The following NAA30 variants were observed in gnomAD, a reference collection of about 807,000 sequenced individuals.
The protein encoded by NAA30 is N-alpha-acetyltransferase 30.
In NAA30, 5 loss-of-function variants were observed where a neutral mutation model predicts 31.4. That is an observed-to-expected ratio of 0.16 (90% CI 0.08 to 0.33). The LOEUF (loss-of-function observed/expected upper bound fraction) is 0.33, where lower values mean the gene tolerates loss of function less well. Among genes scored for constraint, NAA30 ranks in the 10% least tolerant of loss-of-function variants. The probability of loss-of-function intolerance (pLI) is 1.00; values close to 1 mark genes in which losing one functional copy is unlikely to be tolerated. For missense variants in NAA30, 428 were observed against 490.8 expected (o/e 0.87, Z 1.21); for synonymous variants, 222 against 207.1 (o/e 1.07, Z -0.62).
Position 57,414,012 on chromosome 14 carries a change from CA to C in NAA30, c.*4499del, listed in dbSNP as rs1455078965. The C allele has an allele frequency of 6.6e-6, 1 of 152,132 alleles. No individual in the cohort carries two copies. The highest frequency in any genetic ancestry group is 1.5e-5 in the Non-Finnish European group (1 of 68,044). 9.4% of individuals were successfully genotyped at this position (152,132 alleles called of 1,614,324 possible). On this transcript the variant is annotated 3_prime_UTR_variant, in exon 5 of 5. Coordinates refer to ENST00000556492, the MANE Select transcript of NAA30 (RefSeq NM_001011713.3). ...ATTGAGCTGAATTTGTAATTTTAAT[CA>C]AAGTTAGCCACATGTGGCTTGTGGC...
At chr14:57,401,441 C>T (rs2066476743) in intron 4 of NAA30, among the ~76,000 whole-genome samples, 1 of 152,168 alleles carries the variant, frequency 6.6e-6, no homozygotes, top group South Asian at 2.1e-4. Flanking sequence ...AAGGTGCAGT[C>T]GCCAAAGCTT....
At chr14:57,393,338 C>T (rs561744130) in intron 2 of NAA30, among the ~76,000 whole-genome samples, 153 of 152,222 alleles carry the variant, frequency 1.0e-3, no homozygotes, top group African/African-American at 3.4e-3. Context: ...GTATGTTAGC[C>T]TTTAGTAGCT....
At chr14:57,398,646 T>A (rs916096334) in intron 3 of NAA30, among the ~76,000 whole-genome samples, 38 of 151,076 alleles carry the variant, frequency 2.5e-4, no homozygotes, top group African/African-American at 8.7e-4. Context: ...TATTATTATT[T>A]TTTTTTGAGA....
Position 57,399,842 on chromosome 14 carries a change from A to G in NAA30, c.910A>G (p.Lys304Glu). 1 of 1,542,564 alleles carries G rather than the reference A, an allele frequency of 6.5e-7. No individual in the cohort carries two copies. The highest frequency in any genetic ancestry group is 8.9e-7 in the Non-Finnish European group (1 of 1,118,536). The change falls in exon 4 of 5, where the codon AAG becomes GAG. Residue 304 changes from lysine to glutamate, a missense_variant. Lys to Glu is a moderately conservative substitution (Grantham distance 56). Coordinates refer to ENST00000556492, the MANE Select transcript of NAA30 (RefSeq NM_001011713.3). ...CTATATTCTAGGTACTAACTTGGTT[A>G]AGAAAGCTATATATGCCATGGTTGA... The part of the protein sequence containing the change: ...RRNGIGTNLV[K>E]KAIYAMVEGD...
At chr14:57,406,083 A>G (rs1287262258) in intron 4 of NAA30, among the ~76,000 whole-genome samples, 1 of 152,062 alleles carries the variant, frequency 6.6e-6, no homozygotes, top group Non-Finnish European at 1.5e-5. Flanking sequence ...TTATCCTGGC[A>G]TTTTTCTGTT....
intron 2 of NAA30, among the ~76,000 whole-genome samples, chr14:57,396,123 T>A (rs1208988652): frequency 6.6e-6 from 1 of 152,122 alleles, no homozygotes; most frequent in African/African-American, 2.4e-5. Context: ...TACAGGTGCA[T>A]GCCACCACAC....
intron 1 of NAA30, 102 bp downstream of exon 1, chr14:57,390,807 G>T (rs1453307664): frequency 1.4e-6 from 1 of 716,614 alleles, no homozygotes; most frequent in South Asian, 3.1e-5. Flanking sequence ...GAAGAGCGGG[G>T]GGGTGGCGGG....
At position 57,396,891 on chromosome 14, in the gene NAA30, T is replaced by C. The variant is rs2066452979; in HGVS notation, c.895+16T>C. 1 of 1,611,910 alleles carries C rather than the reference T, an allele frequency of 6.2e-7. No homozygotes were observed. Among genetic ancestry groups the C allele is most frequent in the Admixed American group, 1.7e-5 (1 of 59,970 alleles). ...AATGGCATTGGTAAGAAAAATATTA[T>C]TTTATGGAAAGAATGCCTAAGCTAT... On this transcript the variant is annotated intron_variant, in intron 3 of 4. Coordinates refer to ENST00000556492, the MANE Select transcript of NAA30 (RefSeq NM_001011713.3).
At chr14:57,405,786 G>A (rs2066496034) in intron 4 of NAA30, among the ~76,000 whole-genome samples, 1 of 152,190 alleles carries the variant, frequency 6.6e-6, no homozygotes, top group African/African-American at 2.4e-5. Context: ...TAAAGTTCTA[G>A]CAGTGAACAA....
Position 57,413,827 on chromosome 14 carries a change from G to GT in NAA30, c.*4317dup, listed in dbSNP as rs2066534855. 6.6e-6 allele frequency: 1 copy of GT among 152,168 alleles called. No homozygotes were observed. Among genetic ancestry groups the GT allele is most frequent in the African/African-American group, 2.4e-5 (1 of 41,440 alleles). The allele number at this position is 152,168 out of a possible 1,614,324, so 9.4% of individuals were successfully genotyped here. A position where few individuals can be genotyped will look rare whatever the true frequency, so the allele number is the denominator to read the frequency against. On this transcript the variant is annotated 3_prime_UTR_variant, in exon 5 of 5. Coordinates refer to ENST00000556492, the MANE Select transcript of NAA30 (RefSeq NM_001011713.3). Reference sequence around the variant, plus strand: ...TCTTTTTATAAGCAACTTTTAAAAAGTTTTTTAAAAGATCTCATAAGCATA... The same window carrying GT: ...TCTTTTTATAAGCAACTTTTAAAAAGTTTTTTTAAAAGATCTCATAAGCATA...
At chr14:57,396,929 T>A (rs2066453135) in intron 3 of NAA30, 54 bp downstream of exon 3, 1 of 1,566,042 alleles carries the variant, frequency 6.4e-7, no homozygotes, top group Admixed American at 1.7e-5. Flanking sequence ...TCATTTTTGT[T>A]GTGTTTTGAA....
Position 57,412,760 on chromosome 14 carries a change from C to G in NAA30, c.*3244C>G, listed in dbSNP as rs2066529261. On this transcript the variant is annotated 3_prime_UTR_variant, in exon 5 of 5. Transcript: ENST00000556492. ...ATGGTTAAGTTGTGTTTGCATTTTT[C>G]TTTTAGATACAGCTGTGTGCATTTT... 6.6e-6 allele frequency: 1 copy of G among 152,108 alleles called. No homozygotes were observed. Among genetic ancestry groups the G allele is most frequent in the Admixed American group, 6.5e-5 (1 of 15,268 alleles). 9.4% of individuals were successfully genotyped at this position (152,108 alleles called of 1,614,324 possible). A position where few individuals can be genotyped will look rare whatever the true frequency, so the allele number is the denominator to read the frequency against.
intron 4 of NAA30, among the ~76,000 whole-genome samples, chr14:57,407,299 A>G (rs534592681): frequency 5.1e-4 from 78 of 152,190 alleles, no homozygotes; most frequent in African/African-American, 1.7e-3. Context: ...CTTGATCCTG[A>G]ACTGTTAATT....
rs759407171 is a variant in NAA30, at chr14:57,391,402, GCGGTCCCCAGCC to G, written c.450_461del (p.Pro151_Val154del). The G allele has an allele frequency of 5.0e-6, 8 of 1,607,698 alleles. No individual in the cohort carries two copies. In the Admixed American group the frequency reaches 1.2e-4, roughly 24 times the overall value. Reference sequence around the variant, plus strand: ...CTCCCTCTCTAGTAATGCAAGAACTGCGGTCCCCAGCCCGGTGGAGGCAGCGGCGGCGAGCGA... The same window carrying G: ...CTCCCTCTCTAGTAATGCAAGAACTGCGGTGGAGGCAGCGGCGGCGAGCGA... On this transcript the variant is annotated inframe_deletion, in exon 2 of 5. Coordinates refer to ENST00000556492, the MANE Select transcript of NAA30 (RefSeq NM_001011713.3). The surrounding 1 kb of genome is among the most constrained non-coding windows in gnomAD (Gnocchi z 4.1).
rs889551743 is a variant in NAA30, at chr14:57,412,241, C to G, written c.*2725C>G. 6.6e-6 allele frequency: 1 copy of G among 152,080 alleles called. No individual in the cohort carries two copies. Among genetic ancestry groups the G allele is most frequent in the African/African-American group, 2.4e-5 (1 of 41,422 alleles). 9.4% of individuals were successfully genotyped at this position (152,080 alleles called of 1,614,324 possible). On this transcript the variant is annotated 3_prime_UTR_variant, in exon 5 of 5. Transcript: ENST00000556492. ...AGCAAAATAAGAAAAAATAAAAAAT[C>G]GATTTTAATATTTTCTGCCTCTTTC...
In NAA30 at chr14:57,410,875, C is replaced by T. The variant is rs1407090441; in HGVS notation, c.*1359C>T. On this transcript the variant is annotated 3_prime_UTR_variant, in exon 5 of 5. Coordinates refer to ENST00000556492, the MANE Select transcript of NAA30 (RefSeq NM_001011713.3). ...TTATTTAACTGGAAAACCTAGGTAC[C>T]CATAAGAAAAAAGATTCATTCTCTG... 1.2e-4 allele frequency: 19 copies of T among 152,236 alleles called. No homozygotes were observed. The highest frequency in any genetic ancestry group is 1.1e-3 in the Admixed American group (17 of 15,242). 9.4% of individuals were successfully genotyped at this position (152,236 alleles called of 1,614,324 possible).
In NAA30 at chr14:57,390,607, G is replaced by T; in HGVS notation, c.-100G>T. 3.2e-6 allele frequency: 1 copy of T among 310,080 alleles called. No individual in the cohort carries two copies. Among genetic ancestry groups the T allele is most frequent in the Non-Finnish European group, 5.9e-6 (1 of 169,508 alleles). 19.2% of individuals were successfully genotyped at this position (310,080 alleles called of 1,614,324 possible). On this transcript the variant is annotated 5_prime_UTR_variant, in exon 1 of 5. Coordinates refer to ENST00000556492, the MANE Select transcript of NAA30 (RefSeq NM_001011713.3). ...CTTTACGGCGACGGCGGCTGAGTGA[G>T]AACCTTGGCGGCTGTGGAGGCTGCC...
At chr14:57,406,881 TGTATGTGTGAG>T in intron 4 of NAA30, among the ~76,000 whole-genome samples, 2 of 152,090 alleles carry the variant, frequency 1.3e-5, no homozygotes, top group Non-Finnish European at 1.5e-5. Flanking sequence ...TGTCTGTGTG[TGTATGTGTGAG>T]TATTTTAATT....
intron 4 of NAA30, among the ~76,000 whole-genome samples, chr14:57,408,505 G>T (rs1434267803): frequency 6.6e-6 from 1 of 152,162 alleles, no homozygotes; most frequent in East Asian, 1.9e-4. Context: ...TAGACCAGTG[G>T]TTCTCAAAAT....
Sources: gnomAD v4.1 joint callset for allele counts (sites outside exome capture counted in the v4.1 genomes callset) on GRCh38, gnomAD v4.1.1 for gene constraint, Gnocchi (gnomAD v3.1) non-coding constraint, MANE v1.5 for transcripts, NCBI Gene and HGNC (gene_info 2026-07-23, HGNC 2026-07-21) for gene names.